The following RIMS1 variants were observed in gnomAD, a reference collection of about 807,000 sequenced individuals.
RIMS1 encodes the protein regulating synaptic membrane exocytosis 1, also known as regulating synaptic membrane exocytosis protein 1.
In RIMS1, 83 loss-of-function variants were observed where a neutral mutation model predicts 214.1. That is an observed-to-expected ratio of 0.39 (90% CI 0.32 to 0.47). RIMS1 has a LOEUF of 0.47. Among genes scored for constraint, RIMS1 ranks in the 20% least tolerant of loss-of-function variants. The probability of loss-of-function intolerance (pLI) is 0.99; values close to 1 mark genes in which losing one functional copy is unlikely to be tolerated. For synonymous variants in RIMS1, 793 were observed against 786.8 expected (o/e 1.01, Z -0.13); for missense variants, 2,050 against 2,161.8 (o/e 0.95, Z 1.03).
At chr6:72,164,477 A>C (rs559080435) in intron 4 of RIMS1, among the ~76,000 whole-genome samples, 2 of 152,330 alleles carry the variant, frequency 1.3e-5, no homozygotes, top group East Asian at 3.9e-4. Context: ...CGTCTTCTGC[A>C]TCGCTCACGC....
chr6:72,380,336 T>C (rs1199956677), intron 29 of RIMS1, among the ~76,000 whole-genome samples: 2 of 152,258 alleles, frequency 1.3e-5, no homozygotes, highest in East Asian at 3.9e-4. Context: ...ACATGGCACA[T>C]GTATACATAT....
intron 1 of RIMS1, among the ~76,000 whole-genome samples, chr6:71,915,369 C>A (rs573814810): frequency 6.6e-6 from 1 of 152,104 alleles, no homozygotes; most frequent in Non-Finnish European, 1.5e-5. Context: ...GATAACCTGC[C>A]TTTCTTTAAA....
At chr6:72,125,728 G>A (rs1225246068) in intron 4 of RIMS1, among the ~76,000 whole-genome samples, 7 of 152,176 alleles carry the variant, frequency 4.6e-5, no homozygotes, top group Admixed American at 1.3e-4. Flanking sequence ...CTGCCACCTC[G>A]CAGTTGGATC....
At chr6:72,042,884 G>T (rs1821849387) in intron 2 of RIMS1, among the ~76,000 whole-genome samples, 1 of 151,566 alleles carries the variant, frequency 6.6e-6, no homozygotes, top group African/African-American at 2.4e-5. Context: ...CACAATACTT[G>T]GCCAAATAAG....
chr6:72,333,204 A>T (rs2096729695), intron 28 of RIMS1, among the ~76,000 whole-genome samples: 1 of 151,898 alleles, frequency 6.6e-6, no homozygotes, highest in East Asian at 1.9e-4. Flanking sequence ...GTACGTTTTT[A>T]AAAATATTTT....
intron 28 of RIMS1, among the ~76,000 whole-genome samples, chr6:72,332,971 A>T (rs2096722414): frequency 6.6e-6 from 1 of 151,816 alleles, no homozygotes; most frequent in African/African-American, 2.4e-5. Flanking sequence ...AGGAAATGAG[A>T]TGAAGAAGTT....
chr6:72,179,861 G>A lies in RIMS1; in HGVS notation c.758G>A (p.Gly253Glu), dbSNP rs1406553500. 1 of 1,595,218 alleles carries A rather than the reference G, an allele frequency of 6.3e-7. No individual in the cohort carries two copies. Among genetic ancestry groups the A allele is most frequent in the East Asian group, 2.2e-5 (1 of 44,702 alleles). ...KGAEPSQQAL[G>E]PEQKQASSRS... is the part of the protein sequence containing the mutation. ...GCTGAGCCCTCGCAGCAAGCCTTGGGGCCTGAACAGAAGCAGGCTTCATCC... is the reference window on the plus strand; with the variant it reads ...GCTGAGCCCTCGCAGCAAGCCTTGGAGCCTGAACAGAAGCAGGCTTCATCC... The change falls in exon 5 of 34, where the codon GGG becomes GAG. Residue 253 changes from glycine to glutamate, a missense_variant. This residue lies in a region of RIMS1 where 882 missense variants were observed against 828.9 expected (regional missense o/e 1.06). Transcript: ENST00000521978.
At chr6:72,396,145 TAAAA>T (rs976629604) in intron 31 of RIMS1, among the ~76,000 whole-genome samples, 2 of 151,656 alleles carry the variant, frequency 1.3e-5, no homozygotes, top group Admixed American at 1.3e-4. Context: ...ATTGCTGTAA[TAAAA>T]AAGAAAAAAT....
chr6:72,224,070 A>G (rs2059443725), intron 6 of RIMS1, among the ~76,000 whole-genome samples: 3 of 152,156 alleles, frequency 2.0e-5, no homozygotes, highest in Non-Finnish European at 4.4e-5. Context: ...CAGAAGCAGC[A>G]TGATCCATAT....
At chr6:72,045,085 AG>A (rs1417529214) in intron 2 of RIMS1, among the ~76,000 whole-genome samples, 1 of 152,000 alleles carries the variant, frequency 6.6e-6, no homozygotes, top group African/African-American at 2.4e-5. Context: ...GCTAAGTAAA[AG>A]AAGTCAGACT....
intron 4 of RIMS1, among the ~76,000 whole-genome samples, chr6:72,141,726 A>C (rs998872122): frequency 6.6e-6 from 1 of 152,058 alleles, no homozygotes; most frequent in Admixed American, 6.6e-5. Context: ...GTGTTTAAGC[A>C]TAGTGAAAAA....
chr6:72,084,146 A>G (rs142916541), intron 2 of RIMS1, among the ~76,000 whole-genome samples: 51 of 152,282 alleles, frequency 3.3e-4, no homozygotes, highest in African/African-American at 1.1e-3. Context: ...CAACACATGG[A>G]GTTTGCTCTT....
chr6:71,956,671 G>T (rs16881970), intron 1 of RIMS1, among the ~76,000 whole-genome samples: 7,706 of 152,192 alleles, frequency 0.051, 347 homozygotes, highest in East Asian at 0.19. Flanking sequence ...AAAGCTGAGG[G>T]TATAACATTA....
chr6:72,375,225 C>T (rs1345871033), intron 29 of RIMS1, among the ~76,000 whole-genome samples: 1 of 152,176 alleles, frequency 6.6e-6, no homozygotes, highest in Non-Finnish European at 1.5e-5. Flanking sequence ...CTCATGAGCT[C>T]TTTGCCTCAT....
chr6:72,362,153 AG>A (rs1216037467), intron 29 of RIMS1, among the ~76,000 whole-genome samples: 1 of 152,172 alleles, frequency 6.6e-6, no homozygotes, highest in Non-Finnish European at 1.5e-5. Flanking sequence ...AGAAAGGGAA[AG>A]GGATTTTTTT....
chr6:72,062,448 A>T (rs1828104533), intron 2 of RIMS1, among the ~76,000 whole-genome samples: 1 of 152,158 alleles, frequency 6.6e-6, no homozygotes, highest in African/African-American at 2.4e-5. Context: ...TTTGCTAGTT[A>T]TCAGATGGGT....
chr6:72,327,627 C>T (rs2096524520), intron 28 of RIMS1, among the ~76,000 whole-genome samples: 1 of 151,762 alleles, frequency 6.6e-6, no homozygotes. Flanking sequence ...TTTACATCCC[C>T]ATCAGCAATG....
intron 2 of RIMS1, among the ~76,000 whole-genome samples, chr6:72,012,672 A>G (rs1014900881): frequency 1.3e-5 from 2 of 152,154 alleles, no homozygotes; most frequent in African/African-American, 4.8e-5. Context: ...GCCACAAGGT[A>G]AGGGTGGAGA....
intron 29 of RIMS1, among the ~76,000 whole-genome samples, chr6:72,335,870 C>T (rs1384009844): frequency 6.6e-6 from 1 of 151,796 alleles, no homozygotes; most frequent in Non-Finnish European, 1.5e-5. Flanking sequence ...CATTAAATGT[C>T]TTCTCTTGAG....
Sources: gnomAD v4.1 joint callset for allele counts (sites outside exome capture counted in the v4.1 genomes callset) on GRCh38, gnomAD v4.1.1 for gene constraint, gnomAD v4.1.1 regional missense constraint, MANE v1.5 for transcripts, NCBI Gene and HGNC (gene_info 2026-07-23, HGNC 2026-07-21) for gene names.